Variants in MFSD12 observed in about 807,000 individuals in gnomAD.
MFSD12 encodes the protein major facilitator superfamily domain-containing protein 12.
A neutral mutation model predicts 51.2 loss-of-function variants in MFSD12; 67 were observed. The ratio of observed to expected loss-of-function variants is 1.31; its 90% CI spans 1.08 to 1.60. MFSD12 has a LOEUF of 1.60. Ranked by LOEUF, MFSD12 falls within the 40% of genes most tolerant of loss-of-function variation. The probability of loss-of-function intolerance (pLI) is 0.00; values close to 1 mark genes in which losing one functional copy is unlikely to be tolerated. For missense variants in MFSD12, 921 were observed against 673.0 expected (o/e 1.37, Z -4.08); for synonymous variants, 441 against 316.7 (o/e 1.39, Z -4.17).
downstream of MFSD12, chr19:3,540,121 T>C (rs998745029): frequency 1.4e-5 from 2 of 139,900 alleles, no homozygotes; most frequent in African/African-American, 5.3e-5. Flanking sequence ...TTTGAGACAG[T>C]CTCATACTGT....
chr19:3,543,918 AC>A, downstream of MFSD12: 1 of 1,551,110 alleles, frequency 6.4e-7, no homozygotes, highest in Non-Finnish European at 8.7e-7. Flanking sequence ...CCCGCCCGGC[AC>A]CACCCAGAAC....
chr19:3,541,143 T>C (rs995350192), downstream of MFSD12, among the ~76,000 whole-genome samples: 2 of 124,144 alleles, frequency 1.6e-5, no homozygotes, highest in African/African-American at 6.4e-5. Context: ...CACTCCAGCC[T>C]GGGTGACAGA....
At chr19:3,543,883 TGCCCTCCCTGTCGGCACCCCAGC>T (rs1267069403), downstream of MFSD12, 5 of 1,550,514 alleles carry the variant, frequency 3.2e-6, no homozygotes, top group Admixed American at 2.0e-5. Flanking sequence ...TCAGACTACG[TGCCCTCCCTGTCGGCACCCCAGC>T]GCCCGCCCGG....
downstream of MFSD12, chr19:3,543,480 G>A (rs966722377): frequency 5.2e-6 from 7 of 1,338,728 alleles, no homozygotes; most frequent in African/African-American, 1.2e-4. Flanking sequence ...TCGGGTGAGT[G>A]CCCCCCCCCC....
Position 3,544,577 on chromosome 19 carries a change from G to A in MFSD12, c.*133C>T, listed in dbSNP as rs2030782281. 2.1e-6 allele frequency: 3 copies of A among 1,460,750 alleles called. No homozygotes were observed. The highest frequency in any genetic ancestry group is 1.4e-5 in the African/African-American group (1 of 70,656). 90.5% of individuals were successfully genotyped at this position (1,460,750 alleles called of 1,614,324 possible). Reference sequence around the variant, plus strand: ...CTGCCCTCACCCGACCCCACCCCCGGGAGCTGGGTGAGGATGGAGGGTGGG... The same window carrying A: ...CTGCCCTCACCCGACCCCACCCCCGAGAGCTGGGTGAGGATGGAGGGTGGG... On this transcript the variant is annotated 3_prime_UTR_variant, in exon 10 of 10. Coordinates refer to ENST00000355415, the MANE Select transcript of MFSD12 (RefSeq NM_174983.5).
At chr19:3,546,023 T>G (rs1441894150) in intron 8 of MFSD12, 51 bp downstream of exon 8, 3 of 1,589,170 alleles carry the variant, frequency 1.9e-6, no homozygotes, top group African/African-American at 2.7e-5. Context: ...AGCAGGCGCT[T>G]AATCCCCTCT....
Position 3,557,505 on chromosome 19 carries a change from C to T in MFSD12, c.-102G>A. The T allele has an allele frequency of 1.4e-6, 1 of 693,768 alleles. No individual in the cohort carries two copies. 43.0% of individuals were successfully genotyped at this position (693,768 alleles called of 1,614,324 possible). A position where few individuals can be genotyped will look rare whatever the true frequency, so the allele number is the denominator to read the frequency against. ...GGGCAGGCGCCGGGGACCCCCACCA[C>T]GCGCCGGGCACCCCGCGTCCCGCTC... On this transcript the variant is annotated 5_prime_UTR_variant, in exon 1 of 10. It adds an upstream start codon to the 5' untranslated region. Coordinates refer to ENST00000355415, the MANE Select transcript of MFSD12 (RefSeq NM_174983.5).
intron 1 of MFSD12, among the ~76,000 whole-genome samples, chr19:3,552,899 G>C (rs1283464912): frequency 6.6e-6 from 1 of 152,124 alleles, no homozygotes; most frequent in Non-Finnish European, 1.5e-5. Flanking sequence ...GAGTGAGTCG[G>C]AGCCAGGCTC....
At chr19:3,546,196 C>A (rs369967813) in intron 7 of MFSD12, 28 bp from the exon 8 acceptor site, 24 of 1,609,980 alleles carry the variant, frequency 1.5e-5, no homozygotes, top group Middle Eastern at 1.6e-4. Context: ...AGGTGGTCAG[C>A]GTGCACCCCG....
intron 1 of MFSD12, among the ~76,000 whole-genome samples, chr19:3,555,345 TGAG>T (rs2031678687): frequency 6.6e-6 from 1 of 152,096 alleles, no homozygotes; most frequent in Admixed American, 6.5e-5. Context: ...TGACCTCAGG[TGAG>T]GAGGCCTCCC....
At chr19:3,543,025 G>C (rs550030779), downstream of MFSD12, 132 of 1,606,356 alleles carry the variant, frequency 8.2e-5, no homozygotes, top group South Asian at 1.3e-3. Context: ...GGGGTGCGAT[G>C]TGTGGGGAGA....
At chr19:3,547,006 G>A (rs974461504) in intron 6 of MFSD12, among the ~76,000 whole-genome samples, 1 of 152,156 alleles carries the variant, frequency 6.6e-6, no homozygotes, top group East Asian at 1.9e-4. Context: ...GGCTAATTTT[G>A]TTTTTGTATC....
chr19:3,546,194 A>C, intron 7 of MFSD12, 26 bp from the exon 8 acceptor site: 1 of 1,611,042 alleles, frequency 6.2e-7, no homozygotes, highest in Non-Finnish European at 8.5e-7. Flanking sequence ...CGAGGTGGTC[A>C]GCGTGCACCC....
chr19:3,552,108 C>A (rs2031506376), intron 1 of MFSD12, among the ~76,000 whole-genome samples: 1 of 152,180 alleles, frequency 6.6e-6, no homozygotes, highest in South Asian at 2.1e-4. Flanking sequence ...CTTTCCTCTG[C>A]AGACAGCAGC....
At chr19:3,543,814 G>A (rs967959691), downstream of MFSD12, 202 of 1,509,600 alleles carry the variant, frequency 1.3e-4, no homozygotes, top group Middle Eastern at 3.5e-4. Flanking sequence ...ATGGTGACCC[G>A]AGTCCCACCT....
At chr19:3,552,001 A>T (rs2031501082) in intron 1 of MFSD12, among the ~76,000 whole-genome samples, 2 of 151,930 alleles carry the variant, frequency 1.3e-5, no homozygotes, top group South Asian at 4.2e-4. Flanking sequence ...GCTCAACGGG[A>T]ATGTCACCTC....
chr19:3,543,646 G>A (rs2030650981), downstream of MFSD12: 2 of 1,543,934 alleles, frequency 1.3e-6, no homozygotes, highest in Non-Finnish European at 8.7e-7. Flanking sequence ...GGAGCGCGCT[G>A]TGGAAAGACA....
exon 5 of MFSD12, chr19:3,538,383 C>A (rs891549851): frequency 2.0e-5 from 5 of 249,786 alleles, no homozygotes; most frequent in African/African-American, 9.1e-5. Context: ...CCATCTGATT[C>A]CAGAACATTC....
intron 4 of MFSD12, chr19:3,539,010 G>A (rs1421672555): frequency 7.9e-6 from 5 of 629,806 alleles, no homozygotes; most frequent in Non-Finnish European, 1.4e-5. Context: ...GTCACCCCCA[G>A]TTGTTAAATA....
Sources: gnomAD v4.1 joint callset for allele counts (sites outside exome capture counted in the v4.1 genomes callset) on GRCh38, gnomAD v4.1.1 for gene constraint, MANE v1.5 for transcripts, NCBI Gene and HGNC (gene_info 2026-07-23, HGNC 2026-07-21) for gene names.